The following ADAM2 variants were observed in gnomAD, a reference collection of about 807,000 sequenced individuals.
The protein encoded by ADAM2 is disintegrin and metalloproteinase domain-containing protein 2.
ADAM2 carries 101 observed loss-of-function variants against 99.3 expected under a neutral mutation model. The ratio of observed to expected loss-of-function variants is 1.02; its 90% CI spans 0.87 to 1.20. ADAM2 has a LOEUF of 1.20. Among genes scored for constraint, ADAM2 ranks in the 50% most tolerant of loss-of-function variants. The pLI, the probability that ADAM2 is intolerant of heterozygous loss-of-function variation, is 0.00. For synonymous variants in ADAM2, 323 were observed against 287.6 expected (o/e 1.12, Z -1.25); for missense variants, 948 against 878.7 (o/e 1.08, Z -1.00).
At chr8:39,829,013 A>C (rs562956138) in intron 3 of ADAM2, among the ~76,000 whole-genome samples, 87 of 152,046 alleles carry the variant, frequency 5.7e-4, no homozygotes, top group Middle Eastern at 3.4e-3. Flanking sequence ...ATCATCACAC[A>C]GAAGACATGT....
intron 15 of ADAM2, among the ~76,000 whole-genome samples, chr8:39,759,937 G>C (rs1472239480): frequency 6.6e-6 from 1 of 152,114 alleles, no homozygotes; most frequent in African/African-American, 2.4e-5. Context: ...CGCGATCTCG[G>C]CTCACTGCAA....
chr8:39,783,323 T>C (rs949001233), intron 10 of ADAM2, among the ~76,000 whole-genome samples: 2 of 152,160 alleles, frequency 1.3e-5, no homozygotes, highest in South Asian at 2.1e-4. Context: ...TTTGATAAAA[T>C]GAAAAAATAC....
rs1039913110 is a variant in ADAM2, at chr8:39,746,577, A to G, written c.2069T>C (p.Phe690Ser). 34 of 1,607,168 alleles carry G rather than the reference A, an allele frequency of 2.1e-5. No homozygotes were observed. Among genetic ancestry groups the G allele is most frequent in the Non-Finnish European group, 2.7e-5 (32 of 1,176,692 alleles). The change falls in exon 19 of 21, where the codon TTC (phenylalanine) becomes TCC (serine). Residue 690 changes from phenylalanine to serine, a missense_variant. Coordinates refer to ENST00000265708, the MANE Select transcript of ADAM2 (RefSeq NM_001464.5). ...AATAATAAAGAAAGGAATGAATAAGAAAAATGGCCATCTCATTGGTTTGGA... is the reference window on the plus strand; with the variant it reads ...AATAATAAAGAAAGGAATGAATAAGGAAAATGGCCATCTCATTGGTTTGGA... ...YHSKPMRWPF[F>S]LFIPFFIIFC...
intron 6 of ADAM2, among the ~76,000 whole-genome samples, chr8:39,816,901 T>G (rs1804965799): frequency 6.6e-6 from 1 of 152,222 alleles, no homozygotes; most frequent in Non-Finnish European, 1.5e-5. Context: ...GTAATAGATG[T>G]TATTTATACA....
In ADAM2 at chr8:39,838,132, A is replaced by C; in HGVS notation, c.54T>G (p.Ser18Arg). 6.2e-7 allele frequency: 1 copy of C among 1,614,034 alleles called. No individual in the cohort carries two copies. Among genetic ancestry groups the C allele is most frequent in the East Asian group, 2.2e-5 (1 of 44,864 alleles). Residue 18 changes from serine to arginine, a missense_variant and splice_region_variant, in exon 1 of 21, where the codon AGT (serine) becomes AGG (arginine). Coordinates refer to ENST00000265708, the MANE Select transcript of ADAM2 (RefSeq NM_001464.5). The stretch of plus-strand genomic sequence containing the variant: ...CAGAGGAGGGGTTTTTCTGCTTACT[A>C]CTGTCCATCCGCAGCCCGCCGAGCC... ...LSGLGGLRMD[S>R]NFDSLPVQIT...
chr8:39,825,575 A>G (rs1289555209), intron 3 of ADAM2, among the ~76,000 whole-genome samples: 1 of 152,060 alleles, frequency 6.6e-6, no homozygotes, highest in Non-Finnish European at 1.5e-5. Flanking sequence ...TATGTAAATC[A>G]AGTAGGATAA....
Position 39,746,970 on chromosome 8 carries a change from A to G in ADAM2, c.2015-339T>C, listed in dbSNP as rs559322583. On this transcript the variant is annotated intron_variant, in intron 18 of 20. Coordinates refer to ENST00000265708, the MANE Select transcript of ADAM2 (RefSeq NM_001464.5). ...TGTTTTCCTCATACAATGAGTTGACAGGAACTTCCCCACCACTGTTTTCTG... is the reference window on the plus strand; with the variant it reads ...TGTTTTCCTCATACAATGAGTTGACGGGAACTTCCCCACCACTGTTTTCTG... Among the ~76,000 whole-genome samples, 71 of 152,338 alleles carry G rather than the reference A, an allele frequency of 4.7e-4. 1 individual carries two copies. The highest frequency in any genetic ancestry group is 8.5e-4 in the Non-Finnish European group (58 of 68,024).
In ADAM2 at chr8:39,771,707, C is replaced by T. The variant is rs528821906; in HGVS notation, c.1029-2132G>A. On this transcript the variant is annotated intron_variant, in intron 11 of 20. Coordinates refer to ENST00000265708, the MANE Select transcript of ADAM2 (RefSeq NM_001464.5). Reference sequence around the variant, plus strand: ...GTTGGTATGACTTTTTGTGTGGTTGCATCCTGGCTGAACATCCCCTTCAGT... The same window carrying T: ...GTTGGTATGACTTTTTGTGTGGTTGTATCCTGGCTGAACATCCCCTTCAGT... 2.0e-5 allele frequency among the ~76,000 whole-genome samples: 3 copies of T among 152,178 alleles called. No individual in the cohort carries two copies. The South Asian group carries it at 6.2e-4, about 32-fold the overall frequency.
chr8:39,828,241 G>A (rs1805487981), intron 3 of ADAM2, among the ~76,000 whole-genome samples: 1 of 151,508 alleles, frequency 6.6e-6, no homozygotes, highest in Non-Finnish European at 1.5e-5. Context: ...TACTTCATGG[G>A]GATTTAAAAA....
chr8:39,747,232 A>T lies in ADAM2; in HGVS notation c.2015-601T>A, dbSNP rs181089606. Reference sequence around the variant, plus strand: ...GTTTCTTGCCTATAGTTGATTGGGGACCAATGAACGTACATGCTACCTTGA... The same window carrying T: ...GTTTCTTGCCTATAGTTGATTGGGGTCCAATGAACGTACATGCTACCTTGA... On this transcript the variant is annotated intron_variant, in intron 18 of 20. Transcript: ENST00000265708. 9.7e-4 allele frequency among the ~76,000 whole-genome samples: 148 copies of T among 152,254 alleles called. 5 individuals are homozygous for T. Among genetic ancestry groups the T allele is most frequent in the South Asian group, 6.2e-4 (3 of 4,814 alleles).
chr8:39,744,633 G>A (rs983762776), intron 20 of ADAM2, among the ~76,000 whole-genome samples, 197 bp downstream of exon 20: 3 of 151,972 alleles, frequency 2.0e-5, no homozygotes, highest in South Asian at 2.1e-4. Flanking sequence ...AGAACCTGTC[G>A]GGGGTTGGGA....
chr8:39,781,040 G>T (rs1267224792), intron 10 of ADAM2, among the ~76,000 whole-genome samples: 2 of 147,530 alleles, frequency 1.4e-5, no homozygotes, highest in Non-Finnish European at 1.5e-5. Context: ...ATGGAATCTC[G>T]CACTCTCGCC....
At chr8:39,774,090 A>G (rs1166202254) in intron 11 of ADAM2, among the ~76,000 whole-genome samples, 2 of 152,016 alleles carry the variant, frequency 1.3e-5, no homozygotes, top group Admixed American at 6.6e-5. Flanking sequence ...ATAAAGTAGA[A>G]GAAACACATG....
chr8:39,766,960 G>A lies in ADAM2; in HGVS notation c.1395C>T (p.Cys465=). The change falls in exon 14 of 21, where the codon TGC becomes TGT. Residue 465 remains cysteine, a synonymous_variant. Transcript: ENST00000265708. ...PEYCNGSSAS[C]PENHYVQTGH... is the part of the protein sequence containing the mutation. ...CAGTCTGAACATAGTGGTTTTCTGG[G>A]CATGATGCAGATGATCCATTGCAAT... 6.2e-7 allele frequency: 1 copy of A among 1,614,110 alleles called. No homozygotes were observed.
intron 6 of ADAM2, among the ~76,000 whole-genome samples, chr8:39,809,686 C>T (rs1804611994): frequency 6.6e-6 from 1 of 152,082 alleles, no homozygotes; most frequent in Admixed American, 6.5e-5. Context: ...GAAACAACTT[C>T]CCTCTATCTT....
At chr8:39,752,210 C>A (rs1334921953) in intron 16 of ADAM2, among the ~76,000 whole-genome samples, 1 of 152,124 alleles carries the variant, frequency 6.6e-6, no homozygotes, top group Non-Finnish European at 1.5e-5. Flanking sequence ...ATCATTTGCA[C>A]CCCCTACAAC....
At chr8:39,775,419 G>A (rs963006542) in intron 11 of ADAM2, among the ~76,000 whole-genome samples, 2 of 151,970 alleles carry the variant, frequency 1.3e-5, no homozygotes, top group Admixed American at 6.6e-5. Flanking sequence ...AAGTATCCAA[G>A]CTATTTGCCA....
chr8:39,826,101 C>T (rs1385724346), intron 3 of ADAM2, among the ~76,000 whole-genome samples: 2 of 151,964 alleles, frequency 1.3e-5, no homozygotes, highest in African/African-American at 2.4e-5. Flanking sequence ...AGATCTTTTA[C>T]CTCCTTCATT....
intron 11 of ADAM2, 132 bp from the exon 12 acceptor site, chr8:39,769,707 T>A: frequency 1.6e-6 from 1 of 606,744 alleles, no homozygotes; most frequent in East Asian, 2.7e-5. Context: ...GCTTTCAATC[T>A]CTGTGCATGG....
Sources: allele counts gnomAD v4.1 joint callset (sites outside exome capture counted in the v4.1 genomes callset), GRCh38; gene constraint gnomAD v4.1.1; transcripts MANE v1.5; gene names NCBI Gene and HGNC (gene_info 2026-07-23, HGNC 2026-07-21).